The following EML5 variants were observed in gnomAD, a reference collection of about 807,000 sequenced individuals.
The protein encoded by EML5 is EMAP like 5.
Under a neutral mutation model 250.0 loss-of-function variants are expected in EML5, and 120 were observed. That is an observed-to-expected ratio of 0.48 (90% CI 0.41 to 0.56). The LOEUF (loss-of-function observed/expected upper bound fraction) is 0.56. EML5 is among the 20% of genes least tolerant of loss of function. The pLI is 0.00. For synonymous variants in EML5, 771 were observed against 806.5 expected, an observed-to-expected ratio of 0.96 and a Z score of 0.75; for missense variants, 2,006 against 2,437.6, an observed-to-expected ratio of 0.82 and a Z score of 3.73.
chr14:88,739,386 A>G (rs1219540270), intron 5 of EML5, among the ~76,000 whole-genome samples: 2 of 152,084 alleles, frequency 1.3e-5, no homozygotes, highest in Non-Finnish European at 2.9e-5. Flanking sequence ...GTATGTGTAG[A>G]TTTTGGTATC....
intron 21 of EML5, among the ~76,000 whole-genome samples, chr14:88,665,802 G>T (rs1475537812): frequency 6.6e-6 from 1 of 152,148 alleles, no homozygotes; most frequent in Non-Finnish European, 1.5e-5. Flanking sequence ...CATTTACTTA[G>T]GAAGCTGAGG....
intron 1 of EML5, among the ~76,000 whole-genome samples, chr14:88,768,865 TTCTGGAAAGGGC>T (rs1356747929): frequency 1.3e-5 from 2 of 152,208 alleles, no homozygotes; most frequent in South Asian, 2.1e-4. Context: ...AGCAAACTTT[TTCTGGAAAGGGC>T]TAGAGAGTAA....
intron 8 of EML5, among the ~76,000 whole-genome samples, chr14:88,716,761 AC>A (rs1224437854): frequency 2.0e-5 from 3 of 149,040 alleles, no homozygotes; most frequent in African/African-American, 7.5e-5. Context: ...ACACACACAC[AC>A]ACGGTAGAAG....
chr14:88,695,761 A>G (rs1179406507), intron 15 of EML5, among the ~76,000 whole-genome samples: 2 of 152,148 alleles, frequency 1.3e-5, no homozygotes, highest in Non-Finnish European at 2.9e-5. Flanking sequence ...ATAGAAGGAA[A>G]GGGAAAACTA....
chr14:88,767,801 T>C (rs2094339836), intron 1 of EML5, among the ~76,000 whole-genome samples: 1 of 152,204 alleles, frequency 6.6e-6, no homozygotes, highest in African/African-American at 2.4e-5. Flanking sequence ...ATATAAACAT[T>C]TTACATAACC....
intron 1 of EML5, among the ~76,000 whole-genome samples, chr14:88,758,551 G>C (rs2094194843): frequency 6.6e-6 from 1 of 152,150 alleles, no homozygotes. Context: ...TGTGGAAAAA[G>C]CGTAACCCTT....
At chr14:88,756,361 G>C (rs1225824269) in intron 1 of EML5, among the ~76,000 whole-genome samples, 1 of 152,046 alleles carries the variant, frequency 6.6e-6, no homozygotes, top group Non-Finnish European at 1.5e-5. Flanking sequence ...TCCTCAAACT[G>C]ACAAAGGACA....
At position 88,698,112 on chromosome 14, in the gene EML5, A is replaced by G. The variant is rs555406537; in HGVS notation, c.2239-1160T>C. On this transcript the variant is annotated intron_variant, in intron 14 of 43. Coordinates refer to ENST00000554922, the MANE Select transcript of EML5 (RefSeq NM_183387.3). ...ATTTCACTAAGTTATTCAGCCAAAC[A>G]TTACCAGTAACTTTTTAGAAAATTT... 2.6e-5 allele frequency among the ~76,000 whole-genome samples: 4 copies of G among 152,274 alleles called. No individual in the cohort carries two copies. The South Asian group carries it at 8.3e-4, about 32-fold the overall frequency.
chr14:88,752,796 C>A (rs999514793), intron 2 of EML5, among the ~76,000 whole-genome samples: 1 of 152,104 alleles, frequency 6.6e-6, no homozygotes, highest in African/African-American at 2.4e-5. Context: ...ACTCCACTGG[C>A]GGAGGAGCAA....
At chr14:88,760,738 CT>C (rs1358777994) in intron 1 of EML5, among the ~76,000 whole-genome samples, 40 of 152,146 alleles carry the variant, frequency 2.6e-4, no homozygotes, top group African/African-American at 8.9e-4. Context: ...CTATAAAAAA[CT>C]TTGAAGAGAA....
intron 1 of EML5, among the ~76,000 whole-genome samples, chr14:88,760,301 T>C (rs977337744): frequency 1.3e-5 from 2 of 152,132 alleles, no homozygotes; most frequent in Non-Finnish European, 2.9e-5. Context: ...AGCTACAATC[T>C]ATTTTGAGTT....
intron 21 of EML5, among the ~76,000 whole-genome samples, chr14:88,669,205 C>A (rs1008368755): frequency 6.6e-6 from 1 of 152,192 alleles, no homozygotes; most frequent in African/African-American, 2.4e-5. Flanking sequence ...GCCCATGCCA[C>A]CAGTTCCTTG....
At chr14:88,725,103 T>A (rs2140065457) in intron 8 of EML5, among the ~76,000 whole-genome samples, 1 of 152,288 alleles carries the variant, frequency 6.6e-6, no homozygotes, top group South Asian at 2.1e-4. Context: ...TCAAATTATG[T>A]CTTTCATAGA....
chr14:88,704,406 T>C (rs1156251372), intron 13 of EML5, among the ~76,000 whole-genome samples: 2 of 152,152 alleles, frequency 1.3e-5, no homozygotes, highest in Non-Finnish European at 2.9e-5. Flanking sequence ...CTGAGCCAAA[T>C]AAACCTCTTT....
chr14:88,660,856 A>G (rs1346595236), intron 25 of EML5, among the ~76,000 whole-genome samples: 1 of 152,170 alleles, frequency 6.6e-6, no homozygotes, highest in Non-Finnish European at 1.5e-5. Flanking sequence ...AAATGCACAT[A>G]TATTCTGCTA....
chr14:88,773,753 T>A (rs538503749), intron 1 of EML5, among the ~76,000 whole-genome samples: 34 of 152,164 alleles, frequency 2.2e-4, no homozygotes, highest in African/African-American at 8.0e-4. Flanking sequence ...GCAGCCAGGG[T>A]TGAGAATCAG....
chr14:88,770,449 A>T (rs1217883637), intron 1 of EML5, among the ~76,000 whole-genome samples: 6 of 152,086 alleles, frequency 3.9e-5, no homozygotes. Flanking sequence ...GTTGTTTTTC[A>T]CATCATTTGT....
intron 27 of EML5, among the ~76,000 whole-genome samples, chr14:88,656,734 T>A (rs948667795): frequency 3.8e-5 from 5 of 130,680 alleles, no homozygotes; most frequent in Admixed American, 1.6e-4. Flanking sequence ...TTTTAGAAAA[T>A]TTTTGAAATG....
At chr14:88,705,618 G>A (rs1039615543) in intron 11 of EML5, 30 bp from the exon 12 acceptor site, 1 of 1,470,350 alleles carries the variant, frequency 6.8e-7, no homozygotes, top group African/African-American at 1.4e-5. Flanking sequence ...AATGTTACTT[G>A]TTTAAAGAAG....
Sources: allele counts gnomAD v4.1 joint callset (sites outside exome capture counted in the v4.1 genomes callset), GRCh38; gene constraint gnomAD v4.1.1; transcripts MANE v1.5; gene names NCBI Gene and HGNC (gene_info 2026-07-23, HGNC 2026-07-21).